IL2RB: variants seen among roughly 807,000 people sequenced by gnomAD.
IL2RB encodes the protein interleukin 2 receptor subunit beta, also known as interleukin-2 receptor subunit beta.
In IL2RB, 17 loss-of-function variants were observed where a neutral mutation model predicts 44.2. The ratio of observed to expected loss-of-function variants is 0.38; its 90% CI spans 0.26 to 0.58. The LOEUF (loss-of-function observed/expected upper bound fraction) is 0.58, where lower values mean the gene tolerates loss of function less well. IL2RB is among the 20% of genes least tolerant of loss of function. The pLI, the probability that IL2RB is intolerant of heterozygous loss-of-function variation, is 0.63. For synonymous variants in IL2RB, 286 were observed against 297.9 expected, an observed-to-expected ratio of 0.96 and a Z score of 0.41; for missense variants, 624 against 685.5, an observed-to-expected ratio of 0.91 and a Z score of 1.00.
chr22:37,134,498 C>T (rs1921588457), intron 8 of IL2RB, among the ~76,000 whole-genome samples: 2 of 151,962 alleles, frequency 1.3e-5, no homozygotes, highest in African/African-American at 4.8e-5. Context: ...CCCAGCTACT[C>T]GGGAGGATGA....
chr22:37,151,884 T>C (rs1487406761), upstream of IL2RB, among the ~76,000 whole-genome samples: 4 of 152,200 alleles, frequency 2.6e-5, no homozygotes, highest in Non-Finnish European at 4.4e-5. Flanking sequence ...GTGTGTGGAT[T>C]TGTTTCTGGG....
At chr22:37,160,765 G>C (rs1432938973) in intron 1 of IL2RB, among the ~76,000 whole-genome samples, 1 of 151,266 alleles carries the variant, frequency 6.6e-6, no homozygotes, top group Admixed American at 6.6e-5. Context: ...TGGGAGGATC[G>C]CTTGAGCCTG....
upstream of IL2RB, among the ~76,000 whole-genome samples, chr22:37,150,373 C>A (rs1486517843): frequency 2.0e-5 from 3 of 152,282 alleles, no homozygotes; most frequent in East Asian, 5.8e-4. Flanking sequence ...CCGAGACTCC[C>A]ATTTCACCCA....
In IL2RB at chr22:37,127,842, G is replaced by C. The variant is rs949213759; in HGVS notation, c.*254C>G. The C allele has an allele frequency of 2.7e-6, 1 of 366,068 alleles. No individual in the cohort carries two copies. Among genetic ancestry groups the C allele is most frequent in the African/African-American group, 2.1e-5 (1 of 47,910 alleles). 22.7% of individuals were successfully genotyped at this position (366,068 alleles called of 1,614,324 possible). On this transcript the variant is annotated 3_prime_UTR_variant, in exon 10 of 10. Transcript: ENST00000216223. Reference sequence around the variant, plus strand: ...ATTCGTGGGATCCTGTGATTAACGAGGGAGTTGGGGAGTTACTGCCCCCCT... The same window carrying C: ...ATTCGTGGGATCCTGTGATTAACGACGGAGTTGGGGAGTTACTGCCCCCCT...
intron 6 of IL2RB, 26 bp from the exon 7 acceptor site, chr22:37,136,419 GC>G: frequency 6.3e-7 from 1 of 1,589,650 alleles, no homozygotes. Flanking sequence ...GACTGTCAGC[GC>G]CCACCTCACC....
upstream of IL2RB, among the ~76,000 whole-genome samples, chr22:37,153,643 T>C (rs1246335400): frequency 6.6e-6 from 1 of 152,146 alleles, no homozygotes; most frequent in Non-Finnish European, 1.5e-5. Context: ...CAGCCAACAT[T>C]TATTAAGCCT....
At chr22:37,139,792 T>C (rs974964596) in intron 4 of IL2RB, among the ~76,000 whole-genome samples, 1 of 152,266 alleles carries the variant, frequency 6.6e-6, no homozygotes, top group Non-Finnish European at 1.5e-5. Context: ...ACTGCTCAGA[T>C]GCCTTAGCCC....
At position 37,137,608 on chromosome 22, in the gene IL2RB, C is replaced by T. The variant is rs745746134; in HGVS notation, c.516G>A (p.Leu172=). The T allele has an allele frequency of 5.0e-6, 8 of 1,614,092 alleles. No homozygotes were observed. The Admixed American group carries it at 6.7e-5, about 13-fold the overall frequency. Reference sequence around the variant, plus strand: ...TCACCTCCCAGGTGTGGCCTGGGGACAGCGTCCGGGCCTCGAACTCCAGGT... The same window carrying T: ...TCACCTCCCAGGTGTGGCCTGGGGATAGCGTCCGGGCCTCGAACTCCAGGT... The part of the protein sequence containing the change: ...ERHLEFEART[L]SPGHTWEEAP... The change falls in exon 6 of 10, where the codon CTG becomes CTA. Residue 172 remains leucine, a synonymous_variant. Transcript: ENST00000216223.
At chr22:37,132,516 C>T (rs377172114) in intron 8 of IL2RB, 48 bp from the exon 9 acceptor site, 60 of 1,449,420 alleles carry the variant, frequency 4.1e-5, no homozygotes, top group Admixed American at 1.0e-4. Context: ...AGGGAAGGAC[C>T]GCGGTGTTAT....
At chr22:37,157,892 A>G (rs1265700889) in intron 1 of IL2RB, among the ~76,000 whole-genome samples, 1 of 152,260 alleles carries the variant, frequency 6.6e-6, no homozygotes, top group Admixed American at 6.5e-5. Context: ...AAGAATCAAA[A>G]GTGCTAAGTC....
At chr22:37,156,314 C>T (rs571545781) in intron 1 of IL2RB, among the ~76,000 whole-genome samples, 1 of 152,300 alleles carries the variant, frequency 6.6e-6, no homozygotes, top group Admixed American at 6.5e-5. Context: ...ACAACAGTGT[C>T]CCAGTTAGGA....
At chr22:37,159,511 G>C (rs2145735361) in intron 1 of IL2RB, among the ~76,000 whole-genome samples, 1 of 152,332 alleles carries the variant, frequency 6.6e-6, no homozygotes, top group South Asian at 2.1e-4. Context: ...AGGCAGGCTA[G>C]ATCTGGGTAT....
In IL2RB at chr22:37,139,164, A is replaced by AC; in HGVS notation, c.340dup (p.Val114GlyfsTer15). ...CTGGATGGCCATCACCCTCCATCGC[A>AC]CCCCCTCACGGCACAGCACCCTCAG... On this transcript the variant is annotated frameshift_variant, in exon 5 of 10. Coordinates refer to ENST00000216223, the MANE Select transcript of IL2RB (RefSeq NM_000878.5). LOFTEE classifies it high-confidence loss of function. 6.2e-7 allele frequency: 1 copy of AC among 1,613,790 alleles called. No homozygotes were observed. Among genetic ancestry groups the AC allele is most frequent in the Non-Finnish European group, 8.5e-7 (1 of 1,179,874 alleles).
chr22:37,154,349 G>A (rs905649036), upstream of IL2RB, among the ~76,000 whole-genome samples: 3 of 152,148 alleles, frequency 2.0e-5, no homozygotes, highest in African/African-American at 7.2e-5. Flanking sequence ...GTGGGAGCAC[G>A]TAGGAGGGAA....
rs770883704 is a variant in IL2RB, at chr22:37,128,458, G to A, written c.1294C>T (p.Pro432Ser). 6.4e-7 allele frequency: 1 copy of A among 1,573,282 alleles called. No individual in the cohort carries two copies. Among genetic ancestry groups the A allele is most frequent in the Non-Finnish European group, 8.6e-7 (1 of 1,156,458 alleles). The part of the protein sequence containing the change: ...PSRDDLLLFS[P>S]SLLGGPSPPS... ...GGGCTGGGGCCACCGAGGAGACTGG[G>A]GGAGAAGAGCAGCAGGTCATCCCTG... Residue 432 changes from proline to serine, a missense_variant, in exon 10 of 10, where the codon CCC (proline) becomes TCC (serine). Physicochemically the swap from Pro to Ser is moderately conservative, Grantham distance 74. Coordinates refer to ENST00000216223, the MANE Select transcript of IL2RB (RefSeq NM_000878.5). The surrounding 1 kb of genome is among the most constrained non-coding windows in gnomAD (Gnocchi z 4.5).
chr22:37,134,331 G>A (rs749937581), intron 8 of IL2RB, among the ~76,000 whole-genome samples: 91 of 152,266 alleles, frequency 6.0e-4, no homozygotes, highest in Non-Finnish European at 9.0e-4. Flanking sequence ...GAGGCCGGGC[G>A]TGGGGGCTCA....
intron 1 of IL2RB, among the ~76,000 whole-genome samples, chr22:37,159,192 T>A (rs1922775915): frequency 6.6e-6 from 1 of 152,224 alleles, no homozygotes; most frequent in South Asian, 2.1e-4. Flanking sequence ...TTGAAAAGTG[T>A]CTGTGAGAAG....
At chr22:37,159,659 G>A (rs1217025275) in intron 1 of IL2RB, among the ~76,000 whole-genome samples, 1 of 152,216 alleles carries the variant, frequency 6.6e-6, no homozygotes, top group African/African-American at 2.4e-5. Context: ...ACAGAGGCAG[G>A]TGCATTTTGG....
At chr22:37,164,552 C>T (rs229492) in intron 1 of IL2RB, among the ~76,000 whole-genome samples, 30,254 of 151,864 alleles carry the variant, frequency 0.2, 3,328 homozygotes, top group African/African-American at 0.28. Context: ...GAAGCTCACA[C>T]CAAGCCTGGA....
Sources: allele counts gnomAD v4.1 joint callset (sites outside exome capture counted in the v4.1 genomes callset), GRCh38; gene constraint gnomAD v4.1.1; non-coding constraint Gnocchi (gnomAD v3.1); transcripts MANE v1.5; gene names NCBI Gene and HGNC (gene_info 2026-07-23, HGNC 2026-07-21).